KCNN3: variants seen among roughly 807,000 people sequenced by gnomAD.
The protein encoded by KCNN3 is small conductance calcium-activated potassium channel protein 3.
Under a neutral mutation model 62.9 loss-of-function variants are expected in KCNN3, and 16 were observed. The ratio of observed to expected loss-of-function variants is 0.25; its 90% CI spans 0.17 to 0.39. The LOEUF (loss-of-function observed/expected upper bound fraction) is 0.39. Among genes scored for constraint, KCNN3 ranks in the 10% least tolerant of loss-of-function variants. The pLI is 1.00. For synonymous variants in KCNN3, 370 were observed against 389.2 expected, an observed-to-expected ratio of 0.95 and a Z score of 0.58; for missense variants, 599 against 949.4, an observed-to-expected ratio of 0.63 and a Z score of 4.85.
intron 1 of KCNN3, among the ~76,000 whole-genome samples, chr1:154,848,613 G>A (rs1378677126): frequency 6.6e-6 from 1 of 152,060 alleles, no homozygotes; most frequent in Non-Finnish European, 1.5e-5. Flanking sequence ...TCTCTTCCCA[G>A]AACTTCTAGG....
intron 2 of KCNN3, among the ~76,000 whole-genome samples, chr1:154,820,745 C>T (rs1359249344): frequency 6.6e-6 from 1 of 152,254 alleles, no homozygotes; most frequent in Non-Finnish European, 1.5e-5. Flanking sequence ...GGCACAGGCA[C>T]AGCCCCTGTC....
intron 3 of KCNN3, among the ~76,000 whole-genome samples, chr1:154,741,710 T>TAAAA (rs5777929): frequency 6.9e-6 from 1 of 145,542 alleles, no homozygotes; most frequent in Admixed American, 6.8e-5. Flanking sequence ...ACTAGTTTTG[T>TAAAA]AAAAAAAAAA....
At chr1:154,720,941 A>G (rs1216519235) in intron 5 of KCNN3, among the ~76,000 whole-genome samples, 1 of 152,214 alleles carries the variant, frequency 6.6e-6, no homozygotes, top group Non-Finnish European at 1.5e-5. Context: ...CGTGGGGTCC[A>G]GGGTCCAGAG....
chr1:154,822,171 G>A lies in KCNN3; in HGVS notation c.947C>T (p.Ser316Leu), dbSNP rs754945314. 6.2e-7 allele frequency: 1 copy of A among 1,612,614 alleles called. No individual in the cohort carries two copies. Among genetic ancestry groups the A allele is most frequent in the Non-Finnish European group, 8.5e-7 (1 of 1,178,568 alleles). The change falls in exon 2 of 8, where the codon TCG (serine) becomes TTG (leucine). Residue 316 changes from serine (S) to leucine (L), a missense_variant. Around this residue, in one of 7 missense-constraint regions of KCNN3, gnomAD observed 288 missense variants for 557.4 expected, o/e 0.52. Coordinates refer to ENST00000271915, the MANE Select transcript of KCNN3 (RefSeq NM_002249.6). The part of the protein sequence containing the change: ...WGLYSKDSMF[S>L]LALKCLISLS... ...ACTGATAAGGCATTTCAGGGCCAAC[G>A]AAAACATGGAGTCCTGCAGGAACAA...
intron 2 of KCNN3, among the ~76,000 whole-genome samples, chr1:154,799,881 C>G (rs910437215): frequency 6.6e-6 from 1 of 152,230 alleles, no homozygotes; most frequent in Non-Finnish European, 1.5e-5. Context: ...GCTGGGGCAA[C>G]TGCAGCTCTG....
At chr1:154,738,401 A>G (rs1700757286) in intron 3 of KCNN3, among the ~76,000 whole-genome samples, 1 of 152,254 alleles carries the variant, frequency 6.6e-6, no homozygotes, top group African/African-American at 2.4e-5. Context: ...GAATTGGCCA[A>G]AGTATTAGTT....
At chr1:154,837,822 T>A (rs550560240) in intron 1 of KCNN3, among the ~76,000 whole-genome samples, 135 of 152,308 alleles carry the variant, frequency 8.9e-4, no homozygotes, top group African/African-American at 2.9e-3. Flanking sequence ...CTGCCTCTTG[T>A]CACGTGGGGG....
intron 1 of KCNN3, among the ~76,000 whole-genome samples, chr1:154,835,538 G>A (rs1010789194): frequency 3.3e-5 from 5 of 152,184 alleles, no homozygotes; most frequent in African/African-American, 1.2e-4. Flanking sequence ...TTTTTAGCAA[G>A]GTGGTGTCAC....
intron 1 of KCNN3, among the ~76,000 whole-genome samples, chr1:154,847,537 C>T (rs1184639260): frequency 4.6e-5 from 7 of 152,196 alleles, no homozygotes; most frequent in Non-Finnish European, 1.0e-4. Flanking sequence ...GAAAAGTTGA[C>T]TCTGAGATAG....
intron 2 of KCNN3, among the ~76,000 whole-genome samples, chr1:154,805,814 C>T (rs1650150978): frequency 1.3e-5 from 2 of 152,072 alleles, no homozygotes; most frequent in African/African-American, 4.8e-5. Context: ...GAATAATGGC[C>T]CCCCAAAATG....
intron 5 of KCNN3, among the ~76,000 whole-genome samples, chr1:154,716,332 G>A (rs1700232987): frequency 6.6e-6 from 1 of 152,242 alleles, no homozygotes; most frequent in African/African-American, 2.4e-5. Context: ...ATGCAGACTG[G>A]CATGTGTCCA....
Position 154,870,272 on chromosome 1 carries a change from C to T in KCNN3, c.-308G>A. 1 of 549,192 alleles carries T rather than the reference C, an allele frequency of 1.8e-6. No individual in the cohort carries two copies. Among genetic ancestry groups the T allele is most frequent in the Non-Finnish European group, 3.4e-6 (1 of 293,250 alleles). 34.0% of individuals were successfully genotyped at this position (549,192 alleles called of 1,614,324 possible). ...AGGCCAGGCTCAGCTTCACTCCTCG[C>T]TGGCTCAATAGCTTCGCTCGCCTCC... On this transcript the variant is annotated 5_prime_UTR_variant, in exon 1 of 8. Transcript: ENST00000271915.
rs552851162 is a variant in KCNN3 at position 154,863,397 on chromosome 1, T to G, written c.933+5635A>C. ...GTGCCTTGCTTTCTTGCTCTCCTTTTGGGGTTTTGAAAGAAAGAGAAGAAA... is the reference window on the plus strand; with the variant it reads ...GTGCCTTGCTTTCTTGCTCTCCTTTGGGGGTTTTGAAAGAAAGAGAAGAAA... On this transcript the variant is annotated intron_variant, in intron 1 of 7. Transcript: ENST00000271915. 9.8e-5 allele frequency among the ~76,000 whole-genome samples: 15 copies of G among 152,320 alleles called. No individual in the cohort carries two copies. In the South Asian group the frequency reaches 3.1e-3, roughly 32 times the overall value.
intron 6 of KCNN3, among the ~76,000 whole-genome samples, chr1:154,714,039 T>G (rs1700134909): frequency 1.1e-5 from 1 of 93,284 alleles, no homozygotes; most frequent in African/African-American, 3.6e-5. Flanking sequence ...GTGTGATGTG[T>G]GGTGTGTGCG....
At chr1:154,769,266 G>T (rs936136738) in intron 3 of KCNN3, among the ~76,000 whole-genome samples, 1 of 152,110 alleles carries the variant, frequency 6.6e-6, no homozygotes, top group Non-Finnish European at 1.5e-5. Context: ...CTAGCACAGG[G>T]GTGCAACAAT....
At chr1:154,724,009 CT>C (rs1213924906) in intron 5 of KCNN3, among the ~76,000 whole-genome samples, 1 of 152,092 alleles carries the variant, frequency 6.6e-6, no homozygotes, top group African/African-American at 2.4e-5. Context: ...CAAATCATGG[CT>C]TTTTTTGGTG....
At chr1:154,722,529 AG>A (rs1411305014) in intron 5 of KCNN3, among the ~76,000 whole-genome samples, 1 of 151,166 alleles carries the variant, frequency 6.6e-6, no homozygotes, top group Admixed American at 6.6e-5. Flanking sequence ...CTGGGGCTAC[AG>A]GCACGTGCCA....
intron 6 of KCNN3, among the ~76,000 whole-genome samples, 183 bp downstream of exon 6, chr1:154,714,693 C>T (rs188853810): frequency 1.1e-4 from 16 of 142,840 alleles, no homozygotes; most frequent in African/African-American, 4.2e-4. Context: ...TTTTTACCTT[C>T]CATAGCAGCC....
intron 2 of KCNN3, among the ~76,000 whole-genome samples, chr1:154,816,551 C>G (rs1650674119): frequency 6.6e-6 from 1 of 152,192 alleles, no homozygotes; most frequent in Non-Finnish European, 1.5e-5. Context: ...AGGCTCTGCT[C>G]CACGCCTCCG....
Sources: gnomAD v4.1 joint callset for allele counts (sites outside exome capture counted in the v4.1 genomes callset) on GRCh38, gnomAD v4.1.1 for gene constraint, gnomAD v4.1.1 regional missense constraint, MANE v1.5 for transcripts, NCBI Gene and HGNC (gene_info 2026-07-23, HGNC 2026-07-21) for gene names.